Variants in CFH observed in about 807,000 individuals in gnomAD.
CFH encodes the protein complement factor H.
A neutral mutation model predicts 147.3 loss-of-function variants in CFH; 53 were observed. That is an observed-to-expected ratio of 0.36 (90% CI 0.29 to 0.45). CFH has a LOEUF of 0.45. Among genes scored for constraint, CFH ranks in the 20% least tolerant of loss-of-function variants. The pLI is 1.00. For synonymous variants in CFH, 536 were observed against 489.4 expected, an observed-to-expected ratio of 1.10 and a Z score of -1.26; for missense variants, 1,380 against 1,498.0, an observed-to-expected ratio of 0.92 and a Z score of 1.30.
At chr1:196,746,044 A>G (rs1652991389) in intron 21 of CFH, 45 bp downstream of exon 21, 1 of 1,613,622 alleles carries the variant, frequency 6.2e-7, no homozygotes, top group Non-Finnish European at 8.5e-7. Flanking sequence ...CTCTGTGATG[A>G]GTCTGATATT....
At chr1:196,738,560 C>T (rs998463166) in intron 17 of CFH, among the ~76,000 whole-genome samples, 1 of 152,156 alleles carries the variant, frequency 6.6e-6, no homozygotes, top group Non-Finnish European at 1.5e-5. Context: ...TTTAATAGGG[C>T]AGTCATTAAA....
intron 9 of CFH, among the ~76,000 whole-genome samples, chr1:196,694,659 G>T (rs775441953): frequency 6.6e-6 from 1 of 152,196 alleles, no homozygotes; most frequent in African/African-American, 2.4e-5. Context: ...ATCCTCGCCA[G>T]CACCTGTGGT....
At chr1:196,734,722 T>C (rs1198846885) in intron 15 of CFH, among the ~76,000 whole-genome samples, 1 of 151,920 alleles carries the variant, frequency 6.6e-6, no homozygotes, top group Admixed American at 6.6e-5. Flanking sequence ...CCCTCTTTCA[T>C]CCTCAATATT....
intron 9 of CFH, among the ~76,000 whole-genome samples, chr1:196,690,968 C>T (rs760297257): frequency 1.3e-5 from 2 of 152,104 alleles, no homozygotes; most frequent in Non-Finnish European, 2.9e-5. Context: ...CCTATTGGCA[C>T]AACTGCTGGC....
At chr1:196,729,381 G>A (rs1669228318) in intron 15 of CFH, among the ~76,000 whole-genome samples, 1 of 151,950 alleles carries the variant, frequency 6.6e-6, no homozygotes. Context: ...CTGTTAATGG[G>A]ATGCATCACC....
intron 9 of CFH, chr1:196,701,362 T>G (rs897086647): frequency 3.1e-6 from 5 of 1,613,564 alleles, no homozygotes; most frequent in Non-Finnish European, 4.2e-6. Context: ...CCTCTCCAGC[T>G]TGAGTGGATC....
intron 20 of CFH, among the ~76,000 whole-genome samples, chr1:196,743,945 A>T (rs1211769389): frequency 1.3e-5 from 2 of 152,132 alleles, no homozygotes; most frequent in Non-Finnish European, 2.9e-5. Context: ...AGTGATGTGC[A>T]TTCTAAGATA....
intron 10 of CFH, 31 bp from the exon 11 acceptor site, chr1:196,715,562 G>A (rs891111226): frequency 3.3e-6 from 5 of 1,535,890 alleles, no homozygotes; most frequent in Non-Finnish European, 4.5e-6. Flanking sequence ...GATGACATTA[G>A]AAATGACATT....
At chr1:196,738,290 G>A (rs1652659078) in intron 17 of CFH, among the ~76,000 whole-genome samples, 1 of 152,130 alleles carries the variant, frequency 6.6e-6, no homozygotes, top group Non-Finnish European at 1.5e-5. Flanking sequence ...CCAAGTCTAT[G>A]TCCTCACAAT....
chr1:196,716,220 C>T (rs973105271), intron 11 of CFH, among the ~76,000 whole-genome samples: 9 of 152,000 alleles, frequency 5.9e-5, no homozygotes, highest in East Asian at 3.9e-4. Context: ...ATCTCATTTA[C>T]GTTTCTCAAT....
intron 7 of CFH, among the ~76,000 whole-genome samples, chr1:196,685,963 G>A (rs1411135169): frequency 6.6e-6 from 1 of 152,118 alleles, no homozygotes; most frequent in Non-Finnish European, 1.5e-5. Flanking sequence ...GCCTGTACAG[G>A]AAGCATGGCT....
intron 1 of CFH, among the ~76,000 whole-genome samples, chr1:196,653,483 A>G (rs2149064791): frequency 6.6e-6 from 1 of 151,966 alleles, no homozygotes; most frequent in Admixed American, 6.5e-5. Flanking sequence ...AATTTATGGG[A>G]ATGTTTCTAA....
At chr1:196,676,089 G>A (rs1250599693) in intron 4 of CFH, 24 bp downstream of exon 4, 1 of 1,392,128 alleles carries the variant, frequency 7.2e-7, no homozygotes, top group Non-Finnish European at 1.0e-6. Flanking sequence ...GTATTTACAA[G>A]TATATTGAAA....
At chr1:196,733,345 A>G (rs961748251) in intron 15 of CFH, among the ~76,000 whole-genome samples, 2 of 152,060 alleles carry the variant, frequency 1.3e-5, no homozygotes, top group Admixed American at 1.3e-4. Flanking sequence ...CCAATTTGGC[A>G]TAGCGCCTGG....
At chr1:196,714,172 C>A (rs1219816526) in intron 10 of CFH, among the ~76,000 whole-genome samples, 1 of 151,892 alleles carries the variant, frequency 6.6e-6, no homozygotes, top group East Asian at 1.9e-4. Flanking sequence ...TATGTGTATT[C>A]TGGTTTAAAC....
chr1:196,724,648 T>C (rs1443234889), intron 11 of CFH, among the ~76,000 whole-genome samples: 1 of 151,714 alleles, frequency 6.6e-6, no homozygotes, highest in African/African-American at 2.4e-5. Context: ...GCACCCTCTC[T>C]TAAATATTTT....
At chr1:196,728,655 T>G in intron 15 of CFH, 133 bp downstream of exon 15, 1 of 827,432 alleles carries the variant, frequency 1.2e-6, no homozygotes, top group Non-Finnish European at 2.0e-6. Flanking sequence ...AACTAGAAAC[T>G]AATGAAAACA....
At chr1:196,699,480 T>G (rs1668388045) in intron 9 of CFH, among the ~76,000 whole-genome samples, 1 of 152,222 alleles carries the variant, frequency 6.6e-6, no homozygotes, top group African/African-American at 2.4e-5. Flanking sequence ...TTCTTGCATC[T>G]GTAGCTTTAC....
rs114874088 is a variant in CFH, at chr1:196,731,710, A to C, written c.2413+3188A>C. On this transcript the variant is annotated intron_variant, in intron 15 of 21. Transcript: ENST00000367429. ...CCTTATGCTCTCTCAGCTTTTTTTC[A>C]ATCTCAGAAAGCCTTTATCACTCCT... Among the ~76,000 whole-genome samples the C allele has an allele frequency of 8.1e-3, 1,231 of 152,042 alleles. 29 individuals are homozygous for C. The highest frequency in any genetic ancestry group is 0.028 in the African/African-American group (1,172 of 41,522).
Sources: allele counts gnomAD v4.1 joint callset (sites outside exome capture counted in the v4.1 genomes callset), GRCh38; gene constraint gnomAD v4.1.1; transcripts MANE v1.5; gene names NCBI Gene and HGNC (gene_info 2026-07-23, HGNC 2026-07-21).